TYW1B: variants seen among roughly 807,000 people sequenced by gnomAD.
TYW1B encodes the protein S-adenosyl-L-methionine-dependent tRNA 4-demethylwyosine synthase TYW1B.
A neutral mutation model predicts 86.9 loss-of-function variants in TYW1B; 73 were observed. That is an observed-to-expected ratio of 0.84 (90% CI 0.70 to 1.02). The LOEUF is 1.02. TYW1B is among the 50% of genes least tolerant of loss of function. TYW1B has a pLI of 0.00. For missense variants in TYW1B, 637 were observed against 827.4 expected (o/e 0.77, Z 2.82); for synonymous variants, 248 against 292.8 (o/e 0.85, Z 1.56).
intron 6 of TYW1B, among the ~76,000 whole-genome samples, chr7:72,800,254 G>A (rs1342757729): frequency 5.3e-5 from 8 of 151,068 alleles, no homozygotes; most frequent in African/African-American, 1.7e-4. Flanking sequence ...CCGGGGTGCC[G>A]TGACATGATC....
At chr7:72,773,737 C>G (rs558679277) in intron 7 of TYW1B, among the ~76,000 whole-genome samples, 2 of 152,220 alleles carry the variant, frequency 1.3e-5, no homozygotes, top group East Asian at 3.9e-4. Flanking sequence ...AGAGAAGAAA[C>G]AATTACTGAA....
At chr7:72,670,411 T>C (rs111545389) in intron 11 of TYW1B, among the ~76,000 whole-genome samples, 1 of 152,174 alleles carries the variant, frequency 6.6e-6, no homozygotes, top group African/African-American at 2.4e-5. Flanking sequence ...GGCTGGTCTC[T>C]AACTCTTGAA....
intron 12 of TYW1B, among the ~76,000 whole-genome samples, chr7:72,626,500 T>G (rs1366284609): frequency 6.6e-6 from 1 of 152,116 alleles, no homozygotes; most frequent in African/African-American, 2.4e-5. Flanking sequence ...TACTTGGATA[T>G]TTAAAAGATA....
chr7:72,646,235 A>T (rs1225178916), intron 11 of TYW1B, among the ~76,000 whole-genome samples: 4 of 151,246 alleles, frequency 2.6e-5, no homozygotes, highest in African/African-American at 7.3e-5. Flanking sequence ...TTTTATTTTT[A>T]ATTTTTTTGT....
chr7:72,750,539 T>C (rs1265049148), intron 7 of TYW1B, among the ~76,000 whole-genome samples: 1 of 152,214 alleles, frequency 6.6e-6, no homozygotes, highest in Non-Finnish European at 1.5e-5. Flanking sequence ...AGTATTGGTA[T>C]GGATTCTTTT....
At chr7:72,600,974 G>A (rs1554433610) in intron 13 of TYW1B, among the ~76,000 whole-genome samples, 1 of 151,890 alleles carries the variant, frequency 6.6e-6, no homozygotes. Context: ...TGGCTAACAT[G>A]GCGAAGCCCT....
chr7:72,617,028 G>A (rs1554437061), intron 12 of TYW1B, among the ~76,000 whole-genome samples, 189 bp from the exon 13 acceptor site: 2 of 152,218 alleles, frequency 1.3e-5, no homozygotes, highest in Non-Finnish European at 2.9e-5. Context: ...GACAAAGACA[G>A]CAGGCTGATG....
chr7:72,804,618 A>T (rs1788462735), intron 5 of TYW1B, among the ~76,000 whole-genome samples: 1 of 152,226 alleles, frequency 6.6e-6, no homozygotes, highest in South Asian at 2.1e-4. Flanking sequence ...CAGGAGGATC[A>T]CTTGAGCTCA....
chr7:72,676,897 G>A (rs1813748028), intron 11 of TYW1B, among the ~76,000 whole-genome samples: 1 of 152,082 alleles, frequency 6.6e-6, no homozygotes. Flanking sequence ...GGCGGAGGTT[G>A]CAGTGTGCTA....
chr7:72,659,308 G>A (rs1314303640), intron 11 of TYW1B, among the ~76,000 whole-genome samples: 1 of 152,210 alleles, frequency 6.6e-6, no homozygotes, highest in Non-Finnish European at 1.5e-5. Context: ...GCAGGGCGTG[G>A]TGGCTCACGC....
intron 3 of TYW1B, among the ~76,000 whole-genome samples, chr7:72,812,438 T>C (rs1480508641): frequency 6.6e-6 from 1 of 152,174 alleles, no homozygotes; most frequent in Non-Finnish European, 1.5e-5. Context: ...GTATCCTTAG[T>C]CTTGATAGCC....
intron 9 of TYW1B, 61 bp from the exon 10 acceptor site, chr7:72,713,859 T>G: frequency 6.7e-7 from 1 of 1,488,730 alleles, no homozygotes; most frequent in East Asian, 2.3e-5. Flanking sequence ...TGTCACGTTT[T>G]TCTTAATGAT....
At chr7:72,627,245 C>T (rs1812368087) in intron 12 of TYW1B, among the ~76,000 whole-genome samples, 1 of 151,936 alleles carries the variant, frequency 6.6e-6, no homozygotes, top group African/African-American at 2.4e-5. Context: ...GTCAGGAGTT[C>T]GAGAGCAGCC....
chr7:72,825,357 G>A (rs1586013986), intron 2 of TYW1B, among the ~76,000 whole-genome samples: 5 of 152,236 alleles, frequency 3.3e-5, no homozygotes, highest in Admixed American at 6.5e-5. Context: ...AGCACTATTA[G>A]AAATCAAAAC....
chr7:72,813,171 CTT>C (rs782128548), intron 3 of TYW1B, among the ~76,000 whole-genome samples: 12 of 123,760 alleles, frequency 9.7e-5, no homozygotes, highest in South Asian at 2.6e-4. Context: ...CATACTTCTT[CTT>C]TTTTTTTTTT....
At chr7:72,734,973 G>T (rs1197019223) in intron 8 of TYW1B, among the ~76,000 whole-genome samples, 3 of 152,142 alleles carry the variant, frequency 2.0e-5, no homozygotes, top group Non-Finnish European at 4.4e-5. Flanking sequence ...ACAAGGATGT[G>T]GAGAAAGGGA....
intron 7 of TYW1B, among the ~76,000 whole-genome samples, chr7:72,763,767 T>C (rs754245759): frequency 2.6e-4 from 40 of 152,200 alleles, no homozygotes; most frequent in Non-Finnish European, 5.1e-4. Context: ...GTTTCTGACC[T>C]AAAATTAACT....
intron 13 of TYW1B, among the ~76,000 whole-genome samples, chr7:72,595,863 T>C (rs1554432475): frequency 6.6e-6 from 1 of 151,944 alleles, no homozygotes; most frequent in African/African-American, 2.4e-5. Context: ...TGTTCATGGA[T>C]TGAAAGACTT....
chr7:72,716,725 G>A (rs1381927874), intron 9 of TYW1B, among the ~76,000 whole-genome samples: 1 of 151,678 alleles, frequency 6.6e-6, no homozygotes. Flanking sequence ...TGCAACCTCC[G>A]CCTCCCGGGT....
Sources: gnomAD v4.1 joint callset for allele counts (sites outside exome capture counted in the v4.1 genomes callset) on GRCh38, gnomAD v4.1.1 for gene constraint, MANE v1.5 for transcripts, NCBI Gene and HGNC (gene_info 2026-07-23, HGNC 2026-07-21) for gene names.